Variants in SUSD1 observed in about 807,000 individuals in gnomAD.
SUSD1 encodes sushi domain-containing protein 1.
Under a neutral mutation model 86.9 loss-of-function variants are expected in SUSD1, and 65 were observed. The ratio of observed to expected loss-of-function variants is 0.75; its 90% CI spans 0.61 to 0.92. The LOEUF (loss-of-function observed/expected upper bound fraction) is 0.92, where lower values mean the gene tolerates loss of function less well. Ranked by LOEUF, SUSD1 falls within the 40% of genes least tolerant of loss-of-function variation. The pLI is 0.00. For synonymous variants in SUSD1, 346 were observed against 350.0 expected (o/e 0.99, Z 0.13); for missense variants, 850 against 929.7 (o/e 0.91, Z 1.11).
intron 1 of SUSD1, among the ~76,000 whole-genome samples, chr9:112,163,981 A>G (rs1833675288): frequency 6.6e-6 from 1 of 152,166 alleles, no homozygotes; most frequent in Non-Finnish European, 1.5e-5. Context: ...AGGCTGGGCA[A>G]CAGATCAAGA....
At chr9:112,106,649 T>G in intron 8 of SUSD1, among the ~76,000 whole-genome samples, 1 of 151,532 alleles carries the variant, frequency 6.6e-6, no homozygotes, top group Non-Finnish European at 1.5e-5. Flanking sequence ...GTGAGCTCTT[T>G]GGAGAGATAA....
At chr9:112,164,603 C>T (rs1466522942) in intron 1 of SUSD1, among the ~76,000 whole-genome samples, 1 of 150,938 alleles carries the variant, frequency 6.6e-6, no homozygotes, top group East Asian at 1.9e-4. Flanking sequence ...TACTATGTAA[C>T]CATAAAGGTA....
intron 12 of SUSD1, among the ~76,000 whole-genome samples, chr9:112,063,762 G>C (rs559449272): frequency 6.6e-6 from 1 of 152,138 alleles, no homozygotes; most frequent in Non-Finnish European, 1.5e-5. Context: ...TGGGTAACAC[G>C]CTAAGTAAGA....
chr9:112,051,105 G>A (rs1828171314), intron 15 of SUSD1, among the ~76,000 whole-genome samples: 1 of 152,200 alleles, frequency 6.6e-6, no homozygotes, highest in Non-Finnish European at 1.5e-5. Context: ...CCTGACCACT[G>A]TACATTGCTT....
intron 1 of SUSD1, among the ~76,000 whole-genome samples, chr9:112,170,865 A>C (rs1029369876): frequency 1.3e-5 from 2 of 151,790 alleles, no homozygotes; most frequent in Non-Finnish European, 2.9e-5. Context: ...GCCCACCACC[A>C]GGCCCGGCCA....
chr9:112,140,547 G>GA (rs1832521129), intron 5 of SUSD1, among the ~76,000 whole-genome samples: 1 of 151,288 alleles, frequency 6.6e-6, no homozygotes, highest in South Asian at 2.1e-4. Flanking sequence ...GAAAAGAAAG[G>GA]AAAAAGGAAA....
At chr9:112,107,185 G>C (rs1830879253) in intron 8 of SUSD1, among the ~76,000 whole-genome samples, 1 of 148,602 alleles carries the variant, frequency 6.7e-6, no homozygotes, top group African/African-American at 2.5e-5. Flanking sequence ...AGCCTGGAAG[G>C]TCAAGGCTGC....
At chr9:112,157,672 T>C in intron 1 of SUSD1, 59 bp from the exon 2 acceptor site, 1 of 1,416,734 alleles carries the variant, frequency 7.1e-7, no homozygotes, top group Middle Eastern at 1.7e-4. Flanking sequence ...CACATGTAGT[T>C]AGTGGACATT....
chr9:112,046,964 T>G (rs1827981011), intron 15 of SUSD1, among the ~76,000 whole-genome samples: 1 of 152,218 alleles, frequency 6.6e-6, no homozygotes, highest in Non-Finnish European at 1.5e-5. Flanking sequence ...ATTTATGAGC[T>G]CAGAATTCTG....
Position 112,158,998 on chromosome 9 carries a change from AT to A in SUSD1, c.104-1386del, listed in dbSNP as rs55749299. On this transcript the variant is annotated intron_variant, in intron 1 of 16. Transcript: ENST00000374270. ...AACACAGCTGCCTATTACCCTACTCATTTTTTTTTTTCCAAAGAAAAAAATG... is the reference window on the plus strand; with the variant it reads ...AACACAGCTGCCTATTACCCTACTCATTTTTTTTTTCCAAAGAAAAAAATG... 2.4e-3 allele frequency among the ~76,000 whole-genome samples: 363 copies of A among 148,918 alleles called. 2 individuals are homozygous for A. The highest frequency in any genetic ancestry group is 8.8e-3 in the East Asian group (45 of 5,092).
At chr9:112,100,018 G>T (rs1830562358) in intron 9 of SUSD1, among the ~76,000 whole-genome samples, 1 of 152,120 alleles carries the variant, frequency 6.6e-6, no homozygotes, top group Non-Finnish European at 1.5e-5. Flanking sequence ...CTCCTCCACG[G>T]TCTGGCAGTC....
intron 15 of SUSD1, 135 bp from the exon 16 acceptor site, chr9:112,042,095 A>G: frequency 1.4e-5 from 22 of 1,544,306 alleles, no homozygotes; most frequent in Non-Finnish European, 1.8e-5. Flanking sequence ...AGAATGCCCA[A>G]CATGCCTGTG....
intron 16 of SUSD1, 60 bp from the exon 17 acceptor site, chr9:112,041,552 G>A (rs1827735723): frequency 1.3e-6 from 1 of 780,358 alleles, no homozygotes; most frequent in East Asian, 2.4e-5. Context: ...TTTTCCCACT[G>A]TGCATCTCTA....
intron 8 of SUSD1, among the ~76,000 whole-genome samples, chr9:112,105,360 T>TA (rs1666960488): frequency 6.6e-6 from 1 of 151,066 alleles, no homozygotes; most frequent in Non-Finnish European, 1.5e-5. Flanking sequence ...AAAAAAGCAA[T>TA]AATCAGAGAT....
chr9:112,145,284 T>C (rs549955382), intron 3 of SUSD1, among the ~76,000 whole-genome samples: 11 of 149,550 alleles, frequency 7.4e-5, no homozygotes, highest in Non-Finnish European at 1.0e-4. Context: ...TTTCCTTTTT[T>C]TTTTTTTTTT....
intron 8 of SUSD1, among the ~76,000 whole-genome samples, chr9:112,106,712 C>T (rs1830854847): frequency 7.2e-6 from 1 of 138,282 alleles, no homozygotes; most frequent in African/African-American, 2.6e-5. Context: ...AACCAATAAC[C>T]TAAGAGAAGA....
intron 4 of SUSD1, 122 bp from the exon 5 acceptor site, chr9:112,142,621 A>C (rs1832628715): frequency 2.2e-6 from 2 of 892,308 alleles, no homozygotes; most frequent in South Asian, 3.6e-5. Flanking sequence ...TTTTAAGTAC[A>C]CTGGTTCATT....
At chr9:112,108,632 G>A (rs572621665) in intron 8 of SUSD1, among the ~76,000 whole-genome samples, 3 of 151,840 alleles carry the variant, frequency 2.0e-5, no homozygotes, top group Admixed American at 6.6e-5. Context: ...ACAAAAATTT[G>A]CCAGGCATAG....
In SUSD1 at chr9:112,142,302, T is replaced by TA; in HGVS notation, c.706+17dup. 1 of 1,535,836 alleles carries TA rather than the reference T, an allele frequency of 6.5e-7. No individual in the cohort carries two copies. The highest frequency in any genetic ancestry group is 1.3e-5 in the South Asian group (1 of 77,384). On this transcript the variant is annotated intron_variant, in intron 5 of 16. Coordinates refer to ENST00000374270, the MANE Select transcript of SUSD1 (RefSeq NM_022486.5). ...CAAGGTGGTATGAATTGGGAACCTG[T>TA]ATTTTTTGAAAACTCACCTTGGCAA...
Sources: gnomAD v4.1 joint callset for allele counts (sites outside exome capture counted in the v4.1 genomes callset) on GRCh38, gnomAD v4.1.1 for gene constraint, MANE v1.5 for transcripts, NCBI Gene and HGNC (gene_info 2026-07-23, HGNC 2026-07-21) for gene names.